Variants in PAK2 observed in about 807,000 individuals in gnomAD.
PAK2 encodes p21 (RAC1) activated kinase 2, also known as serine/threonine-protein kinase PAK 2.
In PAK2, 21 loss-of-function variants were observed where a neutral mutation model predicts 65.9. The observed-to-expected ratio is 0.32, with a 90% CI of 0.23 to 0.46. The LOEUF (loss-of-function observed/expected upper bound fraction) is 0.46, where lower values mean the gene tolerates loss of function less well. Among genes scored for constraint, PAK2 ranks in the 20% least tolerant of loss-of-function variants. The probability of loss-of-function intolerance (pLI) is 1.00; values close to 1 mark genes in which losing one functional copy is unlikely to be tolerated. For synonymous variants in PAK2, 204 were observed against 219.7 expected (o/e 0.93, Z 0.63); for missense variants, 324 against 642.6 (o/e 0.50, Z 5.36).
intron 1 of PAK2, among the ~76,000 whole-genome samples, chr3:196,748,485 T>C (rs60316007): frequency 0.069 from 10,555 of 152,214 alleles, 547 homozygotes; most frequent in African/African-American, 0.15. Flanking sequence ...CACCTGTTCC[T>C]CCCACTTTTA....
At chr3:196,771,817 C>CA (rs1379607724) in intron 1 of PAK2, among the ~76,000 whole-genome samples, 1 of 152,186 alleles carries the variant, frequency 6.6e-6, no homozygotes, top group Non-Finnish European at 1.5e-5. Context: ...CTAAGCCTCC[C>CA]AAAGTGCTGG....
rs186292121 is a variant in PAK2 at position 196,830,111 on chromosome 3, T to C, written c.*1706T>C. 20 of 152,010 alleles carry C rather than the reference T, an allele frequency of 1.3e-4. No individual in the cohort carries two copies. The highest frequency in any genetic ancestry group is 1.2e-3 in the Admixed American group (19 of 15,250). The allele number at this position is 152,010 out of a possible 1,614,324, so 9.4% of individuals were successfully genotyped here. On this transcript the variant is annotated 3_prime_UTR_variant, in exon 15 of 15. Coordinates refer to ENST00000327134, the MANE Select transcript of PAK2 (RefSeq NM_002577.4). ...AATAATTTTGCTGTTGTAGTATACATTGGAGAAACTGGCAGGTTTTATTTC... is the reference window on the plus strand; with the variant it reads ...AATAATTTTGCTGTTGTAGTATACACTGGAGAAACTGGCAGGTTTTATTTC...
chr3:196,805,811 T>A (rs961043176), intron 5 of PAK2, among the ~76,000 whole-genome samples: 2 of 151,976 alleles, frequency 1.3e-5, no homozygotes, highest in African/African-American at 4.8e-5. Flanking sequence ...ACAGTCAGTT[T>A]TTGGAAACAG....
intron 1 of PAK2, among the ~76,000 whole-genome samples, chr3:196,756,488 C>T (rs77276942): frequency 0.076 from 11,577 of 152,200 alleles, 592 homozygotes; most frequent in Non-Finnish European, 0.11. Flanking sequence ...TGAGACTTAA[C>T]TCTTTTAGGC....
intron 2 of PAK2, among the ~76,000 whole-genome samples, chr3:196,788,728 A>AG (rs1427026254): frequency 6.6e-6 from 1 of 152,212 alleles, no homozygotes; most frequent in Non-Finnish European, 1.5e-5. Context: ...TGAAGACTGC[A>AG]GGATGGGTAA....
chr3:196,810,055 A>T (rs7622561), intron 7 of PAK2, among the ~76,000 whole-genome samples: 131,373 of 151,932 alleles, frequency 0.86, 56,926 homozygotes, highest in East Asian at 1. Context: ...TGAAAGATGA[A>T]ATGTATACTG....
At chr3:196,821,981 A>T (rs993588784) in intron 13 of PAK2, among the ~76,000 whole-genome samples, 1 of 152,240 alleles carries the variant, frequency 6.6e-6, no homozygotes, top group Non-Finnish European at 1.5e-5. Context: ...GTGTTACAGC[A>T]TTGAACCTTG....
chr3:196,748,314 A>C (rs1452276539), intron 1 of PAK2, among the ~76,000 whole-genome samples: 1 of 152,196 alleles, frequency 6.6e-6, no homozygotes, highest in Non-Finnish European at 1.5e-5. Context: ...TGGCACAGTC[A>C]GTGAACCAGC....
intron 2 of PAK2, among the ~76,000 whole-genome samples, chr3:196,792,104 G>A (rs776495058): frequency 3.3e-5 from 5 of 152,158 alleles, no homozygotes; most frequent in East Asian, 1.9e-4. Flanking sequence ...TGCCCACCTC[G>A]GACCAGTCAT....
At chr3:196,780,571 T>C (rs1714675328) in intron 1 of PAK2, among the ~76,000 whole-genome samples, 1 of 152,172 alleles carries the variant, frequency 6.6e-6, no homozygotes, top group African/African-American at 2.4e-5. Context: ...TTCCATAACA[T>C]GTGGGAATTC....
At chr3:196,769,763 G>A (rs1460186259) in intron 1 of PAK2, among the ~76,000 whole-genome samples, 1 of 151,974 alleles carries the variant, frequency 6.6e-6, no homozygotes, top group East Asian at 1.9e-4. Context: ...CTTGCAGTGA[G>A]CTGAGATCAT....
intron 1 of PAK2, among the ~76,000 whole-genome samples, chr3:196,740,887 A>G (rs975602791): frequency 1.5e-4 from 23 of 152,160 alleles, no homozygotes; most frequent in African/African-American, 5.3e-4. Context: ...GTTGCCACTC[A>G]ACCTTTTAAC....
intron 1 of PAK2, among the ~76,000 whole-genome samples, chr3:196,766,737 A>G (rs968576554): frequency 7.2e-6 from 1 of 138,244 alleles, no homozygotes; most frequent in Admixed American, 7.1e-5. Flanking sequence ...TCCTCCGCCA[A>G]CCCCACCCCC....
chr3:196,814,238 T>C (rs1215980268), intron 10 of PAK2, among the ~76,000 whole-genome samples: 1 of 152,192 alleles, frequency 6.6e-6, no homozygotes, highest in Admixed American at 6.6e-5. Flanking sequence ...ACTACAGTTG[T>C]GGGCAAACTG....
rs1415859771 is a variant in PAK2 at position 196,804,845 on chromosome 3, A to ATAT, written c.437-507_437-506insTAT. 1.6e-3 allele frequency among the ~76,000 whole-genome samples: 240 copies of ATAT among 149,774 alleles called. 1 individual carries two copies. The highest frequency in any genetic ancestry group is 5.6e-3 in the African/African-American group (227 of 40,446). ...TATATACACATATATATATATATATACACACACACATATACACACACACAC... is the reference window on the plus strand; with the variant it reads ...TATATACACATATATATATATATATATATCACACACACATATACACACACACAC... On this transcript the variant is annotated intron_variant, in intron 4 of 14. Coordinates refer to ENST00000327134, the MANE Select transcript of PAK2 (RefSeq NM_002577.4).
chr3:196,819,298 C>T (rs939010690), intron 12 of PAK2, among the ~76,000 whole-genome samples: 8 of 151,948 alleles, frequency 5.3e-5, no homozygotes, highest in East Asian at 1.9e-4. Flanking sequence ...AACAATTAGC[C>T]GGGCGTGGTG....
chr3:196,762,080 G>A (rs1354678286), intron 1 of PAK2, among the ~76,000 whole-genome samples: 3 of 135,742 alleles, frequency 2.2e-5, no homozygotes, highest in South Asian at 2.4e-4. Flanking sequence ...GGGCAGAGGC[G>A]CTCCTCACAT....
intron 1 of PAK2, among the ~76,000 whole-genome samples, chr3:196,759,393 A>G (rs551410990): frequency 1.1e-4 from 16 of 150,086 alleles, no homozygotes; most frequent in African/African-American, 3.7e-4. Context: ...GTTTGGCCCA[A>G]TTGGTTTCTT....
At chr3:196,797,014 T>C (rs1715277762) in intron 2 of PAK2, among the ~76,000 whole-genome samples, 1 of 152,164 alleles carries the variant, frequency 6.6e-6, no homozygotes, top group Non-Finnish European at 1.5e-5. Context: ...CTCTCAGTAA[T>C]TGGTAGAAAA....
Sources: allele counts gnomAD v4.1 joint callset (sites outside exome capture counted in the v4.1 genomes callset), GRCh38; gene constraint gnomAD v4.1.1; transcripts MANE v1.5; gene names NCBI Gene and HGNC (gene_info 2026-07-23, HGNC 2026-07-21).